RLIG1: variants seen among roughly 807,000 people sequenced by gnomAD.
RLIG1 encodes the protein RNA 5'-phosphate and 3'-OH ligase 1.
chr12:88,039,386 T>C, the RLIG1 span, among the ~76,000 whole-genome samples: 2 of 152,116 alleles, frequency 1.3e-5, no homozygotes, highest in Non-Finnish European at 2.9e-5. Flanking sequence ...GAAGAGTAGA[T>C]TGACTCTTGG....
At chr12:88,039,066 C>T in the RLIG1 span, among the ~76,000 whole-genome samples, 6 of 152,078 alleles carry the variant, frequency 3.9e-5, no homozygotes, top group African/African-American at 1.2e-4. Flanking sequence ...TATGCCAAAA[C>T]GTTCTTTGTG....
chr12:88,049,487 AT>A, the RLIG1 span: 3 of 799,510 alleles, frequency 3.8e-6, no homozygotes, highest in South Asian at 3.4e-5. Context: ...AGGAGATTTA[AT>A]TGTAAATATG....
chr12:88,041,169 G>A, the RLIG1 span, among the ~76,000 whole-genome samples: 1 of 152,004 alleles, frequency 6.6e-6, no homozygotes, highest in South Asian at 2.1e-4. Flanking sequence ...GACTACTCTA[G>A]GTATTTCATA....
chr12:88,037,297 C>CTT, the RLIG1 span, among the ~76,000 whole-genome samples: 4 of 152,120 alleles, frequency 2.6e-5, no homozygotes, highest in Non-Finnish European at 4.4e-5. Flanking sequence ...TTGTAGAGGG[C>CTT]CACTCAATTG....
chr12:88,048,238 A>C, the RLIG1 span: 5 of 1,549,292 alleles, frequency 3.2e-6, no homozygotes, highest in Non-Finnish European at 3.5e-6. Flanking sequence ...TTCCAGGTCC[A>C]TCGCCATCAT....
the RLIG1 span, chr12:88,042,843 C>G: frequency 2.0e-6 from 3 of 1,516,220 alleles, 1 homozygote; most frequent in Non-Finnish European, 2.6e-6. Flanking sequence ...TACCTTTGGG[C>G]TCGACTAGAT....
the RLIG1 span, among the ~76,000 whole-genome samples, chr12:88,037,667 AGAC>A: frequency 6.6e-6 from 1 of 152,214 alleles, no homozygotes; most frequent in Non-Finnish European, 1.5e-5. Flanking sequence ...AATCCCTACT[AGAC>A]GATTATATTT....
the RLIG1 span, chr12:88,048,431 TA>T: frequency 3.1e-6 from 4 of 1,296,728 alleles, no homozygotes; most frequent in Non-Finnish European, 3.2e-6. Flanking sequence ...AAAATGCAAA[TA>T]AAATTAGTTT....
At chr12:88,042,877 A>G in the RLIG1 span, 1 of 1,572,976 alleles carries the variant, frequency 6.4e-7, no homozygotes, top group East Asian at 2.4e-5. Flanking sequence ...AACAAGCTGA[A>G]AAAAGATTTA....
chr12:88,037,880 AAGTT>A, the RLIG1 span, among the ~76,000 whole-genome samples: 6 of 152,168 alleles, frequency 3.9e-5, no homozygotes, highest in African/African-American at 9.7e-5. Flanking sequence ...TATAGATAAA[AAGTT>A]AGTAGGAACC....
the RLIG1 span, among the ~76,000 whole-genome samples, chr12:88,036,438 C>G: frequency 6.6e-6 from 1 of 152,202 alleles, no homozygotes; most frequent in South Asian, 2.1e-4. Context: ...ACAAAACCAA[C>G]ATGTCCATTG....
chr12:88,048,653 CA>C, the RLIG1 span: 1 of 299,708 alleles, frequency 3.3e-6, no homozygotes, highest in Non-Finnish European at 6.1e-6. Flanking sequence ...TAAGCTTGGA[CA>C]AAGGCTGGAT....
the RLIG1 span, among the ~76,000 whole-genome samples, chr12:88,047,570 T>A: frequency 6.6e-6 from 1 of 152,102 alleles, no homozygotes; most frequent in East Asian, 1.9e-4. Flanking sequence ...TCTATGTACT[T>A]CTTCCCAACT....
the RLIG1 span, chr12:88,040,279 A>G: frequency 2.2e-5 from 30 of 1,348,320 alleles, no homozygotes; most frequent in Non-Finnish European, 2.9e-5. Flanking sequence ...AAATAAAACT[A>G]TAATATTTAC....
chr12:88,042,277 AG>A, the RLIG1 span: 1 of 152,190 alleles, frequency 6.6e-6, no homozygotes, highest in Non-Finnish European at 1.5e-5. Flanking sequence ...AGAGCCCTCC[AG>A]GGTTCTCAGA....
At chr12:88,036,030 C>T in the RLIG1 span, 2 of 1,460,958 alleles carry the variant, frequency 1.4e-6, no homozygotes, top group Admixed American at 4.1e-5. Flanking sequence ...CAGCATGTCC[C>T]TTCCTTTTCA....
At chr12:88,042,646 G>T in the RLIG1 span, 2 of 407,814 alleles carry the variant, frequency 4.9e-6, no homozygotes, top group Non-Finnish European at 8.8e-6. Flanking sequence ...TTTAACCAGA[G>T]AAATAAGTCT....
the RLIG1 span, chr12:88,049,614 A>G: frequency 4.5e-6 from 2 of 444,756 alleles, no homozygotes; most frequent in South Asian, 6.4e-5. Flanking sequence ...AAGTCCAGTT[A>G]TGTATTCTGT....
chr12:88,043,751 T>C, the RLIG1 span: 1 of 1,418,630 alleles, frequency 7.0e-7, no homozygotes, highest in Non-Finnish European at 9.8e-7. Context: ...GTTTTGTGTT[T>C]ACTAGTAAAA....
Sources: allele counts gnomAD v4.1 joint callset (sites outside exome capture counted in the v4.1 genomes callset), GRCh38; gene constraint gnomAD v4.1.1; transcripts MANE v1.5; gene names NCBI Gene and HGNC (gene_info 2026-07-23, HGNC 2026-07-21).